NLRP1: variants seen among roughly 807,000 people sequenced by gnomAD.
NLRP1 encodes the protein NLR family pyrin domain containing 1.
In NLRP1, 94 loss-of-function variants were observed where a neutral mutation model predicts 136.7. The observed-to-expected ratio is 0.69, with a 90% CI of 0.58 to 0.82. The LOEUF is 0.82. Ranked by LOEUF, NLRP1 falls within the 40% of genes least tolerant of loss-of-function variation. The pLI is 0.00. For synonymous variants in NLRP1, 690 were observed against 725.1 expected (o/e 0.95, Z 0.78); for missense variants, 1,575 against 1,802.7 (o/e 0.87, Z 2.29).
At chr17:5,577,757 G>T (rs150729832) in intron 3 of NLRP1, among the ~76,000 whole-genome samples, 5,234 of 151,972 alleles carry the variant, frequency 0.034, 304 homozygotes, top group African/African-American at 0.12. Context: ...TGGAAAAAAC[G>T]ACTTAAAAGT....
rs973658861 is a variant in NLRP1 at position 5,547,904 on chromosome 17, T to C, written c.2528+5482A>G. Among the ~76,000 whole-genome samples the C allele has an allele frequency of 3.9e-5, 6 of 152,214 alleles. No individual in the cohort carries two copies. The South Asian group carries it at 6.2e-4, about 16-fold the overall frequency. On this transcript the variant is annotated intron_variant, in intron 5 of 16. Transcript: ENST00000572272. ...CAATCTCCTTTCTTTCAATCTCTTA[T>C]CACTTTCTTTTCTTCAATTTCCTTG... is the stretch of plus-strand genomic sequence containing the variant.
At chr17:5,513,938 C>A (rs373517701), downstream of NLRP1, among the ~76,000 whole-genome samples, 1 of 152,138 alleles carries the variant, frequency 6.6e-6, no homozygotes, top group Non-Finnish European at 1.5e-5. Context: ...AGTTTACGAA[C>A]GCCATGGCAG....
At chr17:5,510,879 A>C (rs1469973843), downstream of NLRP1, among the ~76,000 whole-genome samples, 1 of 152,096 alleles carries the variant, frequency 6.6e-6, no homozygotes, top group Non-Finnish European at 1.5e-5. Context: ...GGCCTCTGTT[A>C]TCACTGGCAC....
In NLRP1 at chr17:5,539,578, T is replaced by A. The variant is rs1451659614; in HGVS notation, c.2707A>T (p.Ser903Cys). Reference sequence around the variant, plus strand: ...CAGCAGTCAGACGTGAGGCCACAGCTGACCAGCCTGCAGGAAAGATACACG... The same window carrying A: ...CAGCAGTCAGACGTGAGGCCACAGCAGACCAGCCTGCAGGAAAGATACACG... The part of the protein sequence containing the change: ...SCKLQRLQLV[S>C]CGLTSDCCQD... Residue 903 changes from serine to cysteine, a missense_variant, in exon 7 of 17, where the codon AGC (serine) becomes TGC (cysteine). Transcript: ENST00000572272. 1 of 1,608,566 alleles carries A rather than the reference T, an allele frequency of 6.2e-7. No individual in the cohort carries two copies. The highest frequency in any genetic ancestry group is 1.1e-5 in the South Asian group (1 of 90,454).
chr17:5,583,873 C>CGAGCA lies in NLRP1; in HGVS notation c.80_84dup (p.Ala29CysfsTer43), dbSNP rs1567676241. On this transcript the variant is annotated frameshift_variant, in exon 1 of 17. Coordinates refer to ENST00000572272, the MANE Select transcript of NLRP1 (RefSeq NM_033004.4). LOFTEE classifies it high-confidence loss of function. This position sits in a 1 kb window ranked among gnomAD's most constrained non-coding sequence, Gnocchi z 4.5. ...GAGCTCCTGGAGTGCGCTTTATTGG[C>CGAGCA]GAGCAGAAGCTGGAACTCCTTCAGC... 4 of 1,588,428 alleles carry CGAGCA rather than the reference C, an allele frequency of 2.5e-6. No individual in the cohort carries two copies. The highest frequency in any genetic ancestry group is 3.4e-6 in the Non-Finnish European group (4 of 1,165,390).
At chr17:5,548,947 G>A (rs1038854639) in intron 5 of NLRP1, among the ~76,000 whole-genome samples, 2 of 152,146 alleles carry the variant, frequency 1.3e-5, no homozygotes, top group African/African-American at 2.4e-5. Context: ...ATTTTTGCCC[G>A]TGAATTTTAG....
In NLRP1 at chr17:5,583,691, C is replaced by T. The variant is rs1223150341; in HGVS notation, c.267G>A (p.Gly89=). The T allele has an allele frequency of 6.4e-7, 1 of 1,553,308 alleles. No individual in the cohort carries two copies. ...TGGGGTCCTCTGTCCACTCACCTGC[C>T]CCTTCCTGGGCTTGGGCGCACAGTG... ...LRSLCAQAQE[G]AGHSPSFPYS... is the part of the protein sequence containing the mutation. The change falls in exon 1 of 17, where the codon GGG becomes GGA. Residue 89 remains glycine (G), a synonymous_variant. Coordinates refer to ENST00000572272, the MANE Select transcript of NLRP1 (RefSeq NM_033004.4). The surrounding 1 kb of genome is among the most constrained non-coding windows in gnomAD (Gnocchi z 4.5).
chr17:5,560,214 C>T (rs1429119450), intron 3 of NLRP1, among the ~76,000 whole-genome samples, 171 bp from the exon 4 acceptor site: 1 of 152,236 alleles, frequency 6.6e-6, no homozygotes, highest in African/African-American at 2.4e-5. Flanking sequence ...TAGAATATCC[C>T]AGTTCAAGTC....
intron 3 of NLRP1, among the ~76,000 whole-genome samples, chr17:5,566,036 C>A (rs1405510255): frequency 6.6e-6 from 1 of 152,074 alleles, no homozygotes; most frequent in African/African-American, 2.4e-5. Context: ...TTTCCTTTTT[C>A]ATTTCTGATT....
chr17:5,517,545 G>A (rs1365874130), intron 15 of NLRP1, among the ~76,000 whole-genome samples: 1 of 152,008 alleles, frequency 6.6e-6, no homozygotes, highest in Non-Finnish European at 1.5e-5. Context: ...GCGCTACCAC[G>A]CCTGGCTAAT....
Position 5,532,894 on chromosome 17 carries a change from G to T in NLRP1, c.3224C>A (p.Thr1075Asn). The T allele has an allele frequency of 6.2e-7, 1 of 1,613,992 alleles. No individual in the cohort carries two copies. Among genetic ancestry groups the T allele is most frequent in the South Asian group, 1.1e-5 (1 of 91,064 alleles). Reference protein sequence around the residue: ...QGDLHTKPLGTDDDFWGPTGP... With the variant: ...QGDLHTKPLGNDDDFWGPTGP... Reference sequence around the variant, plus strand: ...CGTGGGGCCCCAGAAGTCATCGTCAGTCCCCAAAGGCTTCGTATGCAGGTC... The same window carrying T: ...CGTGGGGCCCCAGAAGTCATCGTCATTCCCCAAAGGCTTCGTATGCAGGTC... Residue 1075 changes from threonine (T) to asparagine (N), a missense_variant, in exon 11 of 17, where the codon ACT becomes AAT. Coordinates refer to ENST00000572272, the MANE Select transcript of NLRP1 (RefSeq NM_033004.4).
chr17:5,579,031 T>A (rs571326468), intron 3 of NLRP1, among the ~76,000 whole-genome samples: 1 of 152,206 alleles, frequency 6.6e-6, no homozygotes, highest in East Asian at 1.9e-4. Flanking sequence ...AAACACCGCA[T>A]GTTCTCACTC....
chr17:5,551,922 A>G (rs2031737441), intron 5 of NLRP1, among the ~76,000 whole-genome samples: 1 of 151,962 alleles, frequency 6.6e-6, no homozygotes, highest in Admixed American at 6.6e-5. Context: ...GGCACACATC[A>G]TCATTCTCAA....
intron 8 of NLRP1, among the ~76,000 whole-genome samples, chr17:5,536,013 T>C (rs1911014536): frequency 6.6e-6 from 1 of 152,208 alleles, no homozygotes; most frequent in Non-Finnish European, 1.5e-5. Context: ...TATCTCCCTC[T>C]TGTGATCATC....
At chr17:5,533,551 GTTTT>G (rs35006823) in intron 9 of NLRP1, among the ~76,000 whole-genome samples, 167 bp from the exon 10 acceptor site, 12 of 90,012 alleles carry the variant, frequency 1.3e-4, no homozygotes, top group African/African-American at 2.6e-4. Flanking sequence ...GTGAGACTCT[GTTTT>G]TTTTTTTTTT....
At chr17:5,554,006 C>G (rs1327996552) in intron 4 of NLRP1, among the ~76,000 whole-genome samples, 1 of 152,168 alleles carries the variant, frequency 6.6e-6, no homozygotes, top group African/African-American at 2.4e-5. Context: ...TGCAGACACA[C>G]CTGTGTTCCT....
rs908376811 is a variant in NLRP1 at position 5,583,500 on chromosome 17, C to T, written c.271+187G>A. Among the ~76,000 whole-genome samples the T allele has an allele frequency of 2.6e-5, 4 of 151,842 alleles. No homozygotes were observed. Among genetic ancestry groups the T allele is most frequent in the Non-Finnish European group, 5.9e-5 (4 of 67,990 alleles). ...GTGGGGCTCTGAGGTGCAGCAAGGG[C>T]CCCCCCAGCAAGCCTCCTGGCTCCA... is the stretch of plus-strand genomic sequence containing the variant. On this transcript the variant is annotated intron_variant, in intron 1 of 16. Coordinates refer to ENST00000572272, the MANE Select transcript of NLRP1 (RefSeq NM_033004.4). This position sits in a 1 kb window ranked among gnomAD's most constrained non-coding sequence, Gnocchi z 4.5.
intron 3 of NLRP1, among the ~76,000 whole-genome samples, chr17:5,571,165 C>G (rs1915825229): frequency 6.6e-6 from 1 of 152,160 alleles, no homozygotes; most frequent in Non-Finnish European, 1.5e-5. Flanking sequence ...ACTGAATGGG[C>G]AAAAGCTGGA....
In NLRP1 at chr17:5,583,841, A is replaced by C. The variant is rs1301494221; in HGVS notation, c.117T>G (p.Gly39=). The part of the protein sequence containing the change: ...ANKAHSRSSS[G]ETPAQPEKTS... The stretch of plus-strand genomic sequence containing the variant: ...TCTTCTCTGGCTGAGCGGGTGTCTC[A>C]CCCGAAGAGCTCCTGGAGTGCGCTT... Residue 39 remains glycine, a synonymous_variant, in exon 1 of 17, where the codon GGT becomes GGG. Coordinates refer to ENST00000572272, the MANE Select transcript of NLRP1 (RefSeq NM_033004.4). The surrounding 1 kb of genome is among the most constrained non-coding windows in gnomAD (Gnocchi z 4.5). 1 of 1,569,078 alleles carries C rather than the reference A, an allele frequency of 6.4e-7. No individual in the cohort carries two copies.
Sources: allele counts gnomAD v4.1 joint callset (sites outside exome capture counted in the v4.1 genomes callset), GRCh38; gene constraint gnomAD v4.1.1; non-coding constraint Gnocchi (gnomAD v3.1); transcripts MANE v1.5; gene names NCBI Gene and HGNC (gene_info 2026-07-23, HGNC 2026-07-21).